The following TENM1 variants were observed in gnomAD, a reference collection of about 807,000 sequenced individuals.
TENM1 encodes the protein teneurin transmembrane protein 1.
Under a neutral mutation model 174.8 loss-of-function variants are expected in TENM1, and 35 were observed. The ratio of observed to expected loss-of-function variants is 0.20; its 90% CI spans 0.15 to 0.27. The LOEUF (loss-of-function observed/expected upper bound fraction) is 0.27, where lower values mean the gene tolerates loss of function less well. Among genes scored for constraint, TENM1 ranks in the 10% least tolerant of loss-of-function variants. The probability of loss-of-function intolerance (pLI) is 1.00; values close to 1 mark genes in which losing one functional copy is unlikely to be tolerated. For missense variants in TENM1, 1,633 were observed against 2,130.1 expected, an observed-to-expected ratio of 0.77 and a Z score of 4.59; for synonymous variants, 781 against 798.7, an observed-to-expected ratio of 0.98 and a Z score of 0.37.
the TENM1 span, among the ~76,000 whole-genome samples, chrX:125,027,611 C>CTTTTTTTTTTTTTTTTTTTTTTTTTTTT: frequency 1.2e-5 from 1 of 83,089 alleles, no homozygotes; most frequent in African/African-American, 4.5e-5. Context: ...TTTTCTTTTT[C>CTTTTTTTTTTTTTTTTTTTTTTTTTTTT]TTTTTTTTTT....
chrX:124,666,266 C>A (rs894967684), intron 6 of TENM1, among the ~76,000 whole-genome samples: 5 of 111,243 alleles, frequency 4.5e-5, no homozygotes, highest in Non-Finnish European at 7.5e-5. Context: ...CTTTCCCCAC[C>A]CATCCTTCTT....
rs759610169 is a variant in TENM1 at position 124,894,267 on chromosome X, T to C, written c.535+29A>G. ...CAGGGATGGGGTGAAGTAAAAATAATTTGTGATCAAATATTTGAAAACACT... is the reference window on the plus strand; with the variant it reads ...CAGGGATGGGGTGAAGTAAAAATAACTTGTGATCAAATATTTGAAAACACT... On this transcript the variant is annotated intron_variant, in intron 3 of 31. Transcript: ENST00000422452. The C allele has an allele frequency of 3.4e-6, 4 of 1,163,384 alleles. No individual in the cohort carries two copies. In the African/African-American group the frequency reaches 5.4e-5, roughly 16 times the overall value.
intron 10 of TENM1, among the ~76,000 whole-genome samples, chrX:124,644,532 A>G (rs1297754429): frequency 1.8e-5 from 2 of 110,301 alleles, no homozygotes; most frequent in Non-Finnish European, 3.8e-5. Flanking sequence ...CGTCTCTTTA[A>G]ATGATAAAAC....
At chrX:124,449,708 C>T (rs779299681) in intron 23 of TENM1, among the ~76,000 whole-genome samples, 1 of 111,818 alleles carries the variant, frequency 8.9e-6, no homozygotes, top group Admixed American at 9.5e-5. Context: ...TATTCTAGGA[C>T]TTGATAGCCT....
exon 24 of TENM1, chrX:124,422,291 T>C: frequency 8.3e-7 from 1 of 1,210,057 alleles, no homozygotes; most frequent in South Asian, 1.8e-5. Context: ...AGTCACAGTT[T>C]GGATCAATTT....
intron 3 of TENM1, among the ~76,000 whole-genome samples, chrX:124,777,347 T>G (rs2054809218): frequency 9.0e-6 from 1 of 111,272 alleles, no homozygotes; most frequent in Admixed American, 9.6e-5. Flanking sequence ...TTATATAAAC[T>G]TAACAGGAAG....
At chrX:124,416,244 C>T (rs188511321) in intron 25 of TENM1, among the ~76,000 whole-genome samples, 163 of 111,771 alleles carry the variant, frequency 1.5e-3, no homozygotes, top group Non-Finnish European at 2.5e-3. Flanking sequence ...AATTAACCGT[C>T]ACTCCCCATT....
chrX:124,732,189 G>GAAT (rs1419124214), intron 4 of TENM1, among the ~76,000 whole-genome samples: 3 of 112,179 alleles, frequency 2.7e-5, no homozygotes, highest in Non-Finnish European at 5.6e-5. Flanking sequence ...TGTACTTACA[G>GAAT]AATAAATAAA....
intron 22 of TENM1, among the ~76,000 whole-genome samples, chrX:124,456,687 C>T (rs1399787458): frequency 2.7e-5 from 3 of 111,578 alleles, no homozygotes; most frequent in Admixed American, 9.6e-5. Context: ...GACACATTCC[C>T]AGTATATATT....
intron 6 of TENM1, among the ~76,000 whole-genome samples, chrX:124,659,264 T>G (rs1466698260): frequency 8.9e-6 from 1 of 111,777 alleles, no homozygotes; most frequent in Admixed American, 9.5e-5. Flanking sequence ...GAATAAAATA[T>G]CTCTTGAAAG....
intron 5 of TENM1, among the ~76,000 whole-genome samples, chrX:124,696,011 C>A (rs2052640585): frequency 8.9e-6 from 1 of 111,955 alleles, no homozygotes; most frequent in Non-Finnish European, 1.9e-5. Context: ...TTTGTACAAT[C>A]TTAGAACAGG....
At chrX:124,658,864 A>G (rs949511991) in intron 6 of TENM1, among the ~76,000 whole-genome samples, 14 of 112,095 alleles carry the variant, frequency 1.2e-4, no homozygotes, top group Admixed American at 1.2e-3. Flanking sequence ...TTTGAGTTGC[A>G]TTTTGACTCT....
At chrX:125,200,652 T>TGAGAGAGAGA in the TENM1 span, among the ~76,000 whole-genome samples, 56 of 81,322 alleles carry the variant, frequency 6.9e-4, no homozygotes, top group African/African-American at 1.5e-3. Context: ...TGTGTGTGTG[T>TGAGAGAGAGA]GTGAGAGAGA....
chrX:124,638,239 T>C (rs2050927874), intron 11 of TENM1, among the ~76,000 whole-genome samples: 2 of 111,366 alleles, frequency 1.8e-5, no homozygotes, highest in Admixed American at 9.5e-5. Flanking sequence ...TCTGTGATTT[T>C]CTTCTTGGCC....
intron 3 of TENM1, among the ~76,000 whole-genome samples, chrX:124,758,475 T>C (rs2054322978): frequency 9.0e-6 from 1 of 111,367 alleles, no homozygotes; most frequent in Non-Finnish European, 1.9e-5. Context: ...GAAAAAAGTA[T>C]GAAGGTTTTT....
At chrX:124,405,264 T>C in exon 27 of TENM1, 1 of 1,195,553 alleles carries the variant, frequency 8.4e-7, no homozygotes, top group Non-Finnish European at 1.1e-6. Context: ...CTTTGAGTAT[T>C]TTCTGTAGAC....
At chrX:124,808,147 T>C (rs2055663211) in intron 3 of TENM1, among the ~76,000 whole-genome samples, 1 of 111,349 alleles carries the variant, frequency 9.0e-6, no homozygotes, top group African/African-American at 3.3e-5. Context: ...AGATGCTCCA[T>C]GCAAATGAAA....
At chrX:124,783,389 GTTA>G (rs2054960778) in intron 3 of TENM1, among the ~76,000 whole-genome samples, 1 of 109,813 alleles carries the variant, frequency 9.1e-6, no homozygotes. Flanking sequence ...TCATGATCTA[GTTA>G]TTATATAAAA....
At chrX:124,815,524 T>C (rs1047022024) in intron 3 of TENM1, among the ~76,000 whole-genome samples, 1 of 111,764 alleles carries the variant, frequency 8.9e-6, no homozygotes, top group Non-Finnish European at 1.9e-5. Flanking sequence ...CAATATTAAA[T>C]TTTAAATAAC....
Sources: allele counts gnomAD v4.1 joint callset (sites outside exome capture counted in the v4.1 genomes callset), GRCh38; gene constraint gnomAD v4.1.1; transcripts MANE v1.5; gene names NCBI Gene and HGNC (gene_info 2026-07-23, HGNC 2026-07-21).